FMR1NB: variants seen among roughly 807,000 people sequenced by gnomAD.
FMR1NB encodes the protein FMR1 neighbor.
FMR1NB carries 10 observed loss-of-function variants against 16.8 expected under a neutral mutation model. That is an observed-to-expected ratio of 0.60 (90% CI 0.37 to 1.01). The LOEUF is 1.01. Among genes scored for constraint, FMR1NB ranks in the 50% least tolerant of loss-of-function variants. The pLI, the probability that FMR1NB is intolerant of heterozygous loss-of-function variation, is 0.01. For missense variants in FMR1NB, 205 were observed against 204.8 expected, an observed-to-expected ratio of 1.00 and a Z score of 0.00; for synonymous variants, 83 against 79.1, an observed-to-expected ratio of 1.05 and a Z score of -0.26.
chrX:148,024,871 G>A lies in FMR1NB; in HGVS notation c.639G>A (p.Pro213=), dbSNP rs138961586. ...TGAACTTTTTATGTTACAGCGAACC[G>A]GCCGATGATTTACAAAGGCAGGACA... is the stretch of plus-strand genomic sequence containing the variant. The part of the protein sequence containing the change: ...YCRSLFWRSE[P]ADDLQRQDNR... Residue 213 remains proline (P), a synonymous_variant, in exon 5 of 6, where the codon CCG becomes CCA. Coordinates refer to ENST00000370467, the MANE Select transcript of FMR1NB (RefSeq NM_152578.3). 33 of 1,207,083 alleles carry A rather than the reference G, an allele frequency of 2.7e-5. No individual in the cohort carries two copies. In the African/African-American group the frequency reaches 5.1e-4, roughly 19 times the overall value.
At chrX:148,010,253 A>G (rs868922239) in intron 4 of FMR1NB, among the ~76,000 whole-genome samples, 24 of 112,267 alleles carry the variant, frequency 2.1e-4, no homozygotes, top group Middle Eastern at 4.7e-3. Flanking sequence ...TTATTTATTT[A>G]TTTTACTATT....
chrX:147,997,171 C>CAA (rs1753872806), intron 1 of FMR1NB, among the ~76,000 whole-genome samples: 1 of 111,466 alleles, frequency 9.0e-6, no homozygotes, highest in Admixed American at 9.5e-5. Context: ...GCAAAAAGAA[C>CAA]AAAGCTGGAG....
intron 3 of FMR1NB, chrX:148,008,207 A>ATCTCGGTGGTCG: frequency 1.6e-5 from 2 of 127,586 alleles, no homozygotes; most frequent in Non-Finnish European, 3.3e-5. Context: ...GGATGGTGTG[A>ATCTCGGTGGTCG]CCATAGATTA....
chrX:147,993,349 G>A (rs1333474437), intron 1 of FMR1NB, among the ~76,000 whole-genome samples: 1 of 111,433 alleles, frequency 9.0e-6, no homozygotes, highest in African/African-American at 3.3e-5. Flanking sequence ...GAGCCGAGAT[G>A]GCAGCAGTAC....
At chrX:148,018,764 G>A (rs1488503924) in intron 4 of FMR1NB, among the ~76,000 whole-genome samples, 4 of 111,179 alleles carry the variant, frequency 3.6e-5, no homozygotes, top group African/African-American at 6.6e-5. Context: ...ATAGGCATGG[G>A]CAAGGACTTC....
At chrX:147,988,056 A>G (rs1464831046) in intron 1 of FMR1NB, among the ~76,000 whole-genome samples, 1 of 111,755 alleles carries the variant, frequency 8.9e-6, no homozygotes, top group Non-Finnish European at 1.9e-5. Context: ...TCCTGTCATC[A>G]TGATGCTAGC....
chrX:147,990,508 A>G (rs1212236209), intron 1 of FMR1NB, among the ~76,000 whole-genome samples: 1 of 111,747 alleles, frequency 8.9e-6, no homozygotes, highest in Non-Finnish European at 1.9e-5. Flanking sequence ...TTTTTGGGGT[A>G]TATGTGATAT....
Position 148,003,291 on chromosome X carries a change from A to G in FMR1NB, c.368A>G (p.Glu123Gly). 8.3e-7 allele frequency: 1 copy of G among 1,211,263 alleles called. No individual in the cohort carries two copies. ...GQSLEEDSAL[E>G]ALLNFFFPTT... The stretch of plus-strand genomic sequence containing the variant: ...TCTCTGGAAGAAGATTCCGCATTGG[A>G]AGCTTTGCTGAATTTTTTCTTTCCA... The change falls in exon 2 of 6, where the codon GAA becomes GGA. Residue 123 changes from glutamate (E) to glycine (G), a missense_variant. Physicochemically the swap from Glu to Gly is moderately conservative, Grantham distance 98. Transcript: ENST00000370467.
Position 147,981,347 on chromosome X carries a change from G to A in FMR1NB, c.-56G>A, listed in dbSNP as rs1388579442. ...CTGCCCCGGAAGCTTCTGGGCCACG[G>A]ACTGCCGGACCGTTGGGCTGTGAGG... On this transcript the variant is annotated 5_prime_UTR_variant, in exon 1 of 6. Coordinates refer to ENST00000370467, the MANE Select transcript of FMR1NB (RefSeq NM_152578.3). The A allele has an allele frequency of 1.7e-6, 2 of 1,168,775 alleles. No homozygotes were observed. Among genetic ancestry groups the A allele is most frequent in the South Asian group, 4.0e-5 (2 of 50,541 alleles).
intron 1 of FMR1NB, among the ~76,000 whole-genome samples, chrX:147,999,457 G>A (rs954694324): frequency 1.8e-5 from 2 of 111,572 alleles, no homozygotes; most frequent in African/African-American, 6.5e-5. Context: ...AATGTGCCTA[G>A]CAACATTAAT....
intron 1 of FMR1NB, among the ~76,000 whole-genome samples, chrX:147,995,738 A>G (rs2044538464): frequency 1.8e-5 from 2 of 112,846 alleles, no homozygotes. Flanking sequence ...AGAATACTTT[A>G]TTTATCTGAT....
chrX:147,993,722 C>A (rs1433331120), intron 1 of FMR1NB, among the ~76,000 whole-genome samples: 4 of 109,656 alleles, frequency 3.6e-5, no homozygotes, highest in African/African-American at 1.3e-4. Context: ...TTTATTTACC[C>A]TCCTCCAGGC....
At chrX:147,996,592 G>C (rs930370767) in intron 1 of FMR1NB, among the ~76,000 whole-genome samples, 3 of 110,515 alleles carry the variant, frequency 2.7e-5, no homozygotes, top group Admixed American at 9.7e-5. Flanking sequence ...GCGGGGATGG[G>C]GGGGGCGGGG....
chrX:147,990,769 C>T (rs1199311982), intron 1 of FMR1NB, among the ~76,000 whole-genome samples: 1 of 111,212 alleles, frequency 9.0e-6, no homozygotes, highest in African/African-American at 3.3e-5. Context: ...CAAAGTACTA[C>T]ATTTCCTTTC....
chrX:147,983,624 G>A (rs1557186847), intron 1 of FMR1NB, among the ~76,000 whole-genome samples: 2 of 112,119 alleles, frequency 1.8e-5, no homozygotes. Context: ...ATATATTCTG[G>A]ATACTGGATC....
intron 4 of FMR1NB, among the ~76,000 whole-genome samples, chrX:148,022,859 A>T (rs1025207437): frequency 8.9e-6 from 1 of 111,879 alleles, no homozygotes; most frequent in Admixed American, 9.5e-5. Context: ...TAAAGAAAAC[A>T]TAGTCATTTT....
intron 1 of FMR1NB, among the ~76,000 whole-genome samples, chrX:147,994,903 C>G (rs561729445): frequency 8.9e-6 from 1 of 112,013 alleles, no homozygotes; most frequent in South Asian, 3.7e-4. Context: ...GAATTGTGTT[C>G]CCTCACCAAA....
Position 148,024,910 on chromosome X carries a change from G to T in FMR1NB, c.678G>T (p.Thr226=), listed in dbSNP as rs782575362. The T allele has an allele frequency of 1.7e-6, 2 of 1,210,933 alleles. No homozygotes were observed. The highest frequency in any genetic ancestry group is 2.2e-6 in the Non-Finnish European group (2 of 894,950). ...DLQRQDNRVV[T]GLKKQRRKRK... ...AAAGGCAGGACAACAGAGTTGTAAC[G>T]GGTTTGAAGAAACAAAGAAGGAAGC... Residue 226 remains threonine (T), a synonymous_variant, in exon 5 of 6, where the codon ACG becomes ACT. Transcript: ENST00000370467.
At chrX:148,002,969 T>C (rs960844584) in intron 1 of FMR1NB, among the ~76,000 whole-genome samples, 13 of 112,462 alleles carry the variant, frequency 1.2e-4, no homozygotes, top group Non-Finnish European at 2.3e-4. Context: ...CTTACAACAA[T>C]GGCATGTGTC....
Sources: allele counts gnomAD v4.1 joint callset (sites outside exome capture counted in the v4.1 genomes callset), GRCh38; gene constraint gnomAD v4.1.1; transcripts MANE v1.5; gene names NCBI Gene and HGNC (gene_info 2026-07-23, HGNC 2026-07-21).